The following CSMD1 variants were observed in gnomAD, a reference collection of about 807,000 sequenced individuals.
CSMD1 encodes CUB and sushi domain-containing protein 1.
Under a neutral mutation model 417.5 loss-of-function variants are expected in CSMD1, and 213 were observed. The observed-to-expected ratio is 0.51, with a 90% confidence interval of 0.46 to 0.57. The LOEUF (loss-of-function observed/expected upper bound fraction) is 0.57, where lower values mean the gene tolerates loss of function less well. CSMD1 is among the 20% of genes least tolerant of loss of function. CSMD1 has a pLI of 0.00. For missense variants in CSMD1, 6,923 were observed against 4,529.7 expected (o/e 1.53, Z -15.17); for synonymous variants, 2,862 against 1,736.8 (o/e 1.65, Z -16.11).
At chr8:3,426,025 A>T (rs1258184474) in intron 12 of CSMD1, among the ~76,000 whole-genome samples, 8 of 152,152 alleles carry the variant, frequency 5.3e-5, no homozygotes, top group Non-Finnish European at 7.3e-5. Flanking sequence ...AGAATTATTT[A>T]AAAAAAATCT....
intron 3 of CSMD1, among the ~76,000 whole-genome samples, chr8:4,208,562 G>C (rs530942280): frequency 2.0e-5 from 3 of 152,214 alleles, no homozygotes; most frequent in African/African-American, 7.2e-5. Context: ...AGATTGACTT[G>C]ACTCATTCTA....
intron 69 of CSMD1, among the ~76,000 whole-genome samples, chr8:2,941,347 T>C (rs1801860207): frequency 6.6e-6 from 1 of 152,244 alleles, no homozygotes; most frequent in South Asian, 2.1e-4. Context: ...AATAATATCA[T>C]GACAGTTTTT....
intron 3 of CSMD1, among the ~76,000 whole-genome samples, chr8:4,178,955 A>G (rs913686234): frequency 6.6e-6 from 1 of 152,168 alleles, no homozygotes; most frequent in African/African-American, 2.4e-5. Flanking sequence ...AGAACATTCC[A>G]TGCTCATGGG....
intron 5 of CSMD1, among the ~76,000 whole-genome samples, chr8:3,755,655 G>A (rs1194306150): frequency 2.6e-5 from 4 of 152,106 alleles, no homozygotes; most frequent in Non-Finnish European, 5.9e-5. Flanking sequence ...CCTGGAAGAA[G>A]CAACACCAGA....
intron 1 of CSMD1, among the ~76,000 whole-genome samples, chr8:4,908,657 G>A (rs1805463169): frequency 6.6e-6 from 1 of 151,136 alleles, no homozygotes; most frequent in Non-Finnish European, 1.5e-5. Flanking sequence ...GAGTCCACCA[G>A]ACTCTTTTCT....
At chr8:3,430,146 T>C (rs1213623345) in intron 12 of CSMD1, among the ~76,000 whole-genome samples, 1 of 152,040 alleles carries the variant, frequency 6.6e-6, no homozygotes, top group Non-Finnish European at 1.5e-5. Context: ...TACAAACATA[T>C]GAATATACAC....
chr8:3,956,162 C>G (rs1811931544), intron 5 of CSMD1, among the ~76,000 whole-genome samples: 1 of 149,560 alleles, frequency 6.7e-6, no homozygotes, highest in Non-Finnish European at 1.5e-5. Flanking sequence ...ATCTTAGATG[C>G]AAAAAGGTTG....
At position 4,070,006 on chromosome 8, in the gene CSMD1, A is replaced by G. The variant is rs538156992; in HGVS notation, c.416-37907T>C. On this transcript the variant is annotated intron_variant, in intron 3 of 69. Coordinates refer to ENST00000635120, the MANE Select transcript of CSMD1 (RefSeq NM_033225.6). The stretch of plus-strand genomic sequence containing the variant: ...TTCCTGCCTTCCTTTAGAATGTTCA[A>G]TGTTCTTAAGAATTTTTTTTAATTA... Among the ~76,000 whole-genome samples, 21 of 151,968 alleles carry G rather than the reference A, an allele frequency of 1.4e-4. No homozygotes were observed. In the South Asian group the frequency reaches 4.0e-3, roughly 29 times the overall value.
chr8:4,757,905 G>A lies in CSMD1; in HGVS notation c.86-120347C>T, dbSNP rs563635975. ...ACCTGGGAGGCAGCGGTTGAAGGGAGCCGACATTGTGCCACCTGCACTCCA... is the reference window on the plus strand; with the variant it reads ...ACCTGGGAGGCAGCGGTTGAAGGGAACCGACATTGTGCCACCTGCACTCCA... On this transcript the variant is annotated intron_variant, in intron 1 of 69. Transcript: ENST00000635120. 7.5e-5 allele frequency among the ~76,000 whole-genome samples: 11 copies of A among 146,600 alleles called. No individual in the cohort carries two copies. The East Asian group carries it at 2.3e-3, about 31-fold the overall frequency.
At chr8:4,250,680 C>T (rs1449437324) in intron 3 of CSMD1, among the ~76,000 whole-genome samples, 1 of 152,090 alleles carries the variant, frequency 6.6e-6, no homozygotes, top group Non-Finnish European at 1.5e-5. Context: ...AATTTTATGT[C>T]TCAGCAAATA....
At chr8:4,535,204 T>A (rs891215152) in intron 2 of CSMD1, among the ~76,000 whole-genome samples, 1 of 152,190 alleles carries the variant, frequency 6.6e-6, no homozygotes, top group African/African-American at 2.4e-5. Flanking sequence ...CTGCTTGAAA[T>A]ATCAATAACA....
chr8:4,627,812 G>T (rs1368435194), intron 2 of CSMD1, among the ~76,000 whole-genome samples: 2 of 152,052 alleles, frequency 1.3e-5, no homozygotes. Flanking sequence ...AATAGTATAG[G>T]AATAGTACAG....
intron 57 of CSMD1, 24 bp from the exon 58 acceptor site, chr8:2,966,770 CCA>C: frequency 2.5e-6 from 4 of 1,608,518 alleles, no homozygotes; most frequent in Non-Finnish European, 3.4e-6. Flanking sequence ...AAGAACACCA[CCA>C]CACACAGTGA....
intron 3 of CSMD1, among the ~76,000 whole-genome samples, chr8:4,059,312 T>C (rs1434592653): frequency 2.8e-5 from 3 of 105,304 alleles, no homozygotes; most frequent in East Asian, 2.3e-4. Context: ...GTGAAATTTA[T>C]AGCACTAAAT....
chr8:4,270,745 C>G (rs1305675876), intron 3 of CSMD1, among the ~76,000 whole-genome samples: 1 of 152,162 alleles, frequency 6.6e-6, no homozygotes, highest in African/African-American at 2.4e-5. Flanking sequence ...TGTTTGAGGA[C>G]AGTGCTACTC....
At position 3,912,744 on chromosome 8, in the gene CSMD1, G is replaced by C. The variant is rs1381390117; in HGVS notation, c.818+85159C>G. Among the ~76,000 whole-genome samples the C allele has an allele frequency of 3.3e-5, 5 of 152,310 alleles. No homozygotes were observed. In the East Asian group the frequency reaches 9.7e-4, roughly 29 times the overall value. ...TGTCCAAGATGAGCCTGAAGAGGCA[G>C]ACTGCAGTCTGCTCTTGTAGCTCAA... On this transcript the variant is annotated intron_variant, in intron 5 of 69. Transcript: ENST00000635120.
intron 1 of CSMD1, among the ~76,000 whole-genome samples, chr8:4,661,776 G>C (rs965651864): frequency 6.6e-6 from 1 of 152,112 alleles, no homozygotes; most frequent in African/African-American, 2.4e-5. Flanking sequence ...CCATTAAATC[G>C]TAATAATCCT....
chr8:4,384,413 C>G (rs939164524), intron 3 of CSMD1, among the ~76,000 whole-genome samples: 1 of 152,120 alleles, frequency 6.6e-6, no homozygotes, highest in Non-Finnish European at 1.5e-5. Flanking sequence ...AAATATACAA[C>G]AAAGGAAAAC....
chr8:3,567,006 A>T (rs903452302), intron 10 of CSMD1, among the ~76,000 whole-genome samples: 32 of 152,252 alleles, frequency 2.1e-4, no homozygotes, highest in African/African-American at 7.5e-4. Flanking sequence ...TTGACAATAG[A>T]AAATACATGG....
Sources: gnomAD v4.1 joint callset for allele counts (sites outside exome capture counted in the v4.1 genomes callset) on GRCh38, gnomAD v4.1.1 for gene constraint, MANE v1.5 for transcripts, NCBI Gene and HGNC (gene_info 2026-07-23, HGNC 2026-07-21) for gene names.